CEP70: variants seen among roughly 807,000 people sequenced by gnomAD.
CEP70 encodes centrosomal protein of 70 kDa.
A neutral mutation model predicts 90.9 loss-of-function variants in CEP70; 70 were observed. That is an observed-to-expected ratio of 0.77 (90% CI 0.64 to 0.94). The LOEUF is 0.94. Among genes scored for constraint, CEP70 ranks in the 40% least tolerant of loss-of-function variants. CEP70 has a pLI of 0.00. For missense variants in CEP70, 648 were observed against 669.0 expected (o/e 0.97, Z 0.35); for synonymous variants, 220 against 228.3 (o/e 0.96, Z 0.33).
At chr3:138,581,573 C>T (rs1057276517) in intron 2 of CEP70, among the ~76,000 whole-genome samples, 2 of 150,946 alleles carry the variant, frequency 1.3e-5, no homozygotes, top group Non-Finnish European at 2.9e-5. Context: ...TGCAGTGGCA[C>T]ACGCATGTAA....
intron 10 of CEP70, among the ~76,000 whole-genome samples, chr3:138,526,216 A>G (rs929499288): frequency 2.0e-5 from 3 of 152,072 alleles, no homozygotes; most frequent in Non-Finnish European, 4.4e-5. Flanking sequence ...GCTGGAGTGC[A>G]GTGGCACAAG....
At chr3:138,590,771 A>C (rs1197099887) in intron 2 of CEP70, among the ~76,000 whole-genome samples, 4 of 152,098 alleles carry the variant, frequency 2.6e-5, no homozygotes, top group Admixed American at 1.3e-4. Context: ...AGATCGTGCC[A>C]CTGCACTCCA....
intron 11 of CEP70, among the ~76,000 whole-genome samples, chr3:138,508,889 A>G (rs111302202): frequency 6.6e-6 from 1 of 151,954 alleles, no homozygotes; most frequent in Non-Finnish European, 1.5e-5. Context: ...GCCCGCCACC[A>G]TGCCTGGCTA....
intron 6 of CEP70, among the ~76,000 whole-genome samples, chr3:138,555,424 G>A (rs1006233721): frequency 6.6e-6 from 1 of 151,950 alleles, no homozygotes; most frequent in African/African-American, 2.4e-5. Flanking sequence ...TAAATAGGTG[G>A]GACTTAATTA....
intron 6 of CEP70, among the ~76,000 whole-genome samples, chr3:138,551,576 T>A (rs771526634): frequency 1.3e-5 from 2 of 151,802 alleles, no homozygotes; most frequent in African/African-American, 2.4e-5. Flanking sequence ...TGAAACCCCG[T>A]CTCTACTAAA....
At chr3:138,579,033 C>T (rs2041705258) in intron 2 of CEP70, among the ~76,000 whole-genome samples, 2 of 152,128 alleles carry the variant, frequency 1.3e-5, no homozygotes, top group Non-Finnish European at 2.9e-5. Flanking sequence ...CCCCCGGTAA[C>T]GGCCAGCCAT....
intron 16 of CEP70, among the ~76,000 whole-genome samples, chr3:138,498,492 G>A (rs921808907): frequency 1.3e-5 from 2 of 151,386 alleles, no homozygotes; most frequent in Non-Finnish European, 2.9e-5. Context: ...CTGCCACTAC[G>A]CCCGACTAAT....
intron 6 of CEP70, among the ~76,000 whole-genome samples, chr3:138,552,028 T>A: frequency 6.6e-6 from 1 of 152,158 alleles, no homozygotes; most frequent in East Asian, 1.9e-4. Context: ...GCTATTCTTA[T>A]ACCAAACAAA....
At chr3:138,536,033 T>C (rs1427772037) in intron 7 of CEP70, among the ~76,000 whole-genome samples, 1 of 152,166 alleles carries the variant, frequency 6.6e-6, no homozygotes, top group African/African-American at 2.4e-5. Flanking sequence ...TTTTAACTTG[T>C]TTTTACTTTA....
intron 11 of CEP70, among the ~76,000 whole-genome samples, chr3:138,521,017 C>T (rs1427449049): frequency 6.6e-6 from 1 of 152,166 alleles, no homozygotes; most frequent in East Asian, 1.9e-4. Flanking sequence ...GCCATGTTGG[C>T]CGGGCTGCTC....
chr3:138,498,338 C>CTTT (rs200581423), intron 16 of CEP70, among the ~76,000 whole-genome samples: 7 of 135,882 alleles, frequency 5.2e-5, no homozygotes, highest in South Asian at 2.4e-4. Context: ...ATATAACATT[C>CTTT]TTTTTTTTTT....
intron 6 of CEP70, among the ~76,000 whole-genome samples, chr3:138,545,348 T>C (rs1336592960): frequency 6.6e-6 from 1 of 152,230 alleles, no homozygotes; most frequent in Non-Finnish European, 1.5e-5. Flanking sequence ...GAAGATTTCA[T>C]GGACATTTAT....
At chr3:138,517,084 A>T (rs565182909) in intron 11 of CEP70, among the ~76,000 whole-genome samples, 39 of 152,250 alleles carry the variant, frequency 2.6e-4, no homozygotes, top group Non-Finnish European at 4.7e-4. Flanking sequence ...CATTCAGATC[A>T]TAATTATCAA....
intron 2 of CEP70, among the ~76,000 whole-genome samples, chr3:138,573,949 A>T (rs926025131): frequency 2.0e-5 from 3 of 152,144 alleles, no homozygotes; most frequent in African/African-American, 7.2e-5. Flanking sequence ...ATAATGATGC[A>T]TTTTTAAAAA....
chr3:138,553,220 C>T (rs1290732725), intron 6 of CEP70, among the ~76,000 whole-genome samples: 1 of 152,158 alleles, frequency 6.6e-6, no homozygotes, highest in African/African-American at 2.4e-5. Context: ...TGGCTCACGC[C>T]TGTAATCCTA....
chr3:138,590,002 A>G (rs752887225), intron 2 of CEP70, among the ~76,000 whole-genome samples: 49 of 152,316 alleles, frequency 3.2e-4, no homozygotes, highest in Non-Finnish European at 6.2e-4. Context: ...TAAATATATT[A>G]ATAGAACTAA....
chr3:138,572,811 T>C (rs952823679), intron 3 of CEP70, 48 bp downstream of exon 3: 2 of 1,201,236 alleles, frequency 1.7e-6, no homozygotes, highest in Non-Finnish European at 2.5e-6. Context: ...TGTAGCATTC[T>C]TTGGCACATA....
chr3:138,550,990 C>CTCT (rs1184100568), intron 6 of CEP70, among the ~76,000 whole-genome samples: 3 of 152,150 alleles, frequency 2.0e-5, no homozygotes, highest in Non-Finnish European at 2.9e-5. Flanking sequence ...TTGCTAAAGA[C>CTCT]CTAGACATTC....
intron 6 of CEP70, among the ~76,000 whole-genome samples, chr3:138,555,919 T>C (rs780535349): frequency 1.3e-4 from 20 of 152,220 alleles, no homozygotes; most frequent in Non-Finnish European, 2.4e-4. Context: ...ACTGGGTATC[T>C]ACCCAGAGGA....
Sources: allele counts gnomAD v4.1 joint callset (sites outside exome capture counted in the v4.1 genomes callset), GRCh38; gene constraint gnomAD v4.1.1; transcripts MANE v1.5; gene names NCBI Gene and HGNC (gene_info 2026-07-23, HGNC 2026-07-21).